The following GRHL1 variants were observed in gnomAD, a reference collection of about 807,000 sequenced individuals.
GRHL1 encodes the protein grainyhead like transcription factor 1.
Under a neutral mutation model 75.7 loss-of-function variants are expected in GRHL1, and 38 were observed. The ratio of observed to expected loss-of-function variants is 0.50; its 90% CI spans 0.39 to 0.66. The LOEUF (loss-of-function observed/expected upper bound fraction) is 0.66, where lower values mean the gene tolerates loss of function less well. Among genes scored for constraint, GRHL1 ranks in the 30% least tolerant of loss-of-function variants. GRHL1 has a pLI of 0.00. For synonymous variants in GRHL1, 266 were observed against 279.4 expected, an observed-to-expected ratio of 0.95 and a Z score of 0.48; for missense variants, 589 against 767.5, an observed-to-expected ratio of 0.77 and a Z score of 2.75.
chr2:9,961,846 G>A (rs1017774268), intron 4 of GRHL1, among the ~76,000 whole-genome samples: 3 of 152,136 alleles, frequency 2.0e-5, no homozygotes, highest in African/African-American at 7.2e-5. Context: ...GGTTGGTAAT[G>A]TAGTCAGGGA....
intron 12 of GRHL1, among the ~76,000 whole-genome samples, 171 bp downstream of exon 12, chr2:9,993,415 C>A (rs1297082421): frequency 6.6e-6 from 1 of 152,178 alleles, no homozygotes; most frequent in African/African-American, 2.4e-5. Flanking sequence ...TTCCTACCAA[C>A]AAGGACATCC....
chr2:9,962,790 T>C (rs2125210431), intron 5 of GRHL1, among the ~76,000 whole-genome samples: 1 of 152,218 alleles, frequency 6.6e-6, no homozygotes, highest in Middle Eastern at 3.4e-3. Flanking sequence ...GGTAGTAGAA[T>C]GGAATCTAAT....
rs1427358014 is a variant in GRHL1, at chr2:9,998,838, G to A, written c.1678-127G>A. The A allele has an allele frequency of 1.2e-4, 8 of 65,310 alleles. No individual in the cohort carries two copies. The East Asian group carries it at 1.3e-3, about 10-fold the overall frequency. 4.0% of individuals were successfully genotyped at this position (65,310 alleles called of 1,614,324 possible). Reference sequence around the variant, plus strand: ...TATATATGTACACATATATATATACGTATATATATGTACACATATATATAC... The same window carrying A: ...TATATATGTACACATATATATATACATATATATATGTACACATATATATAC... On this transcript the variant is annotated intron_variant, in intron 14 of 15. Transcript: ENST00000324907.
chr2:9,990,802 G>C lies in GRHL1; in HGVS notation c.1321+55G>C, dbSNP rs371195953. 1,282 of 1,431,150 alleles carry C rather than the reference G, an allele frequency of 9.0e-4. 4 individuals are homozygous for C. The highest frequency in any genetic ancestry group is 1.3e-3 in the South Asian group (113 of 83,968). The allele number at this position is 1,431,150 out of a possible 1,614,324, so 88.7% of individuals were successfully genotyped here. A position where few individuals can be genotyped will look rare whatever the true frequency, so the allele number is the denominator to read the frequency against. ...AATGCCTGTAAGTAGAAATGTTCCC[G>C]GCAAGCTTCAGACCTTTTCCATTGA... On this transcript the variant is annotated intron_variant, in intron 10 of 15. Coordinates refer to ENST00000324907, the MANE Select transcript of GRHL1 (RefSeq NM_198182.3). The surrounding 1 kb of genome is among the most constrained non-coding windows in gnomAD (Gnocchi z 4.2).
At chr2:9,981,059 C>A (rs1368388451) in intron 8 of GRHL1, among the ~76,000 whole-genome samples, 3 of 152,354 alleles carry the variant, frequency 2.0e-5, no homozygotes, top group African/African-American at 7.2e-5. Flanking sequence ...AACTGAGGAA[C>A]AAAGTGTGCC....
intron 5 of GRHL1, 122 bp downstream of exon 5, chr2:9,962,653 G>C (rs1319048313): frequency 1.5e-6 from 1 of 682,612 alleles, no homozygotes; most frequent in Admixed American, 2.2e-5. Context: ...TACTTTTACT[G>C]TGGTACAGTC....
intron 8 of GRHL1, among the ~76,000 whole-genome samples, chr2:9,970,739 C>T (rs933462011): frequency 2.6e-5 from 4 of 152,202 alleles, no homozygotes; most frequent in Admixed American, 2.6e-4. Context: ...CCTGTCAGAA[C>T]AGAGGACGCT....
chr2:9,986,707 C>T (rs1200739453), intron 9 of GRHL1, among the ~76,000 whole-genome samples: 1 of 152,042 alleles, frequency 6.6e-6, no homozygotes, highest in African/African-American at 2.4e-5. Context: ...TGTGAGCCAC[C>T]GCGCCCAGCC....
chr2:9,958,349 T>A (rs973772360), intron 2 of GRHL1, among the ~76,000 whole-genome samples: 10 of 152,068 alleles, frequency 6.6e-5, no homozygotes, highest in South Asian at 2.1e-4. Context: ...TGGCTAATTT[T>A]AAAATTTTTT....
rs1019709579 is a variant in GRHL1 at position 10,002,274 on chromosome 2, G to A, written c.*1567G>A. On this transcript the variant is annotated 3_prime_UTR_variant, in exon 16 of 16. Transcript: ENST00000324907. The stretch of plus-strand genomic sequence containing the variant: ...GAATTAAATTTTATATGTCTATTTC[G>A]TAATATGTCATTTCCTGTTTTTCAA... 2.0e-4 allele frequency: 30 copies of A among 152,498 alleles called. No individual in the cohort carries two copies. The highest frequency in any genetic ancestry group is 4.8e-4 in the African/African-American group (20 of 41,414). The allele number at this position is 152,498 out of a possible 1,614,324, so 9.4% of individuals were successfully genotyped here. A position where few individuals can be genotyped will look rare whatever the true frequency, so the allele number is the denominator to read the frequency against.
At chr2:9,989,003 G>A (rs970257907) in intron 9 of GRHL1, among the ~76,000 whole-genome samples, 2 of 152,114 alleles carry the variant, frequency 1.3e-5, no homozygotes, top group Non-Finnish European at 2.9e-5. Context: ...AGACTTGTTA[G>A]AAGGGACAGA....
At chr2:9,986,376 A>G (rs1269556425) in intron 9 of GRHL1, 94 bp downstream of exon 9, 5 of 663,780 alleles carry the variant, frequency 7.5e-6, no homozygotes, top group Non-Finnish European at 9.9e-6. Flanking sequence ...AAATGAGAAT[A>G]TAGCTGCTAA....
At chr2:9,953,090 T>C in intron 1 of GRHL1, 1 of 456,776 alleles carries the variant, frequency 2.2e-6, no homozygotes, top group Non-Finnish European at 4.4e-6. Context: ...ACGTATAGTT[T>C]AGATAAGGCA....
chr2:9,994,055 AG>A (rs1223475287), intron 12 of GRHL1, among the ~76,000 whole-genome samples: 1 of 145,586 alleles, frequency 6.9e-6, no homozygotes, highest in Non-Finnish European at 1.5e-5. Flanking sequence ...TGCCTAGTGG[AG>A]GGGGGCTGAC....
rs112958885 is a variant in GRHL1 at position 9,991,783 on chromosome 2, C to T, written c.1322-224C>T. 1.8e-3 allele frequency among the ~76,000 whole-genome samples: 267 copies of T among 152,298 alleles called. 2 individuals carry two copies. The highest frequency in any genetic ancestry group is 5.9e-3 in the African/African-American group (247 of 41,566). ...CTGTGTGTGTTTGAAGATACCTTTTCCCTTTTGATTTGATAAGACATTCAG... is the reference window on the plus strand; with the variant it reads ...CTGTGTGTGTTTGAAGATACCTTTTTCCTTTTGATTTGATAAGACATTCAG... On this transcript the variant is annotated intron_variant, in intron 10 of 15. Coordinates refer to ENST00000324907, the MANE Select transcript of GRHL1 (RefSeq NM_198182.3).
intron 15 of GRHL1, among the ~76,000 whole-genome samples, chr2:10,000,353 A>C (rs1342278612): frequency 2.6e-4 from 39 of 152,210 alleles, no homozygotes; most frequent in Non-Finnish European, 1.5e-5. Flanking sequence ...TTCATTTTCC[A>C]AATGCTATGA....
intron 8 of GRHL1, among the ~76,000 whole-genome samples, chr2:9,978,815 G>T (rs563527449): frequency 6.6e-6 from 1 of 151,886 alleles, no homozygotes. Flanking sequence ...ACATGGTGAC[G>T]CCCCGTCTCT....
chr2:9,995,526 C>T (rs1209097453), intron 12 of GRHL1, among the ~76,000 whole-genome samples: 3 of 150,322 alleles, frequency 2.0e-5, no homozygotes, highest in Admixed American at 6.7e-5. Flanking sequence ...TGCAGTGAGC[C>T]GTGATCCATG....
rs538063314 is a variant in GRHL1 at position 9,963,109 on chromosome 2, G to A, written c.746+578G>A. On this transcript the variant is annotated intron_variant, in intron 5 of 15. Transcript: ENST00000324907. ...TTTAAAAGTGTCTAAGATTTTATGG[G>A]AATTGAGACTTCCCTTATAGATCTG... is the stretch of plus-strand genomic sequence containing the variant. 5.9e-5 allele frequency among the ~76,000 whole-genome samples: 9 copies of A among 152,236 alleles called. No individual in the cohort carries two copies. The South Asian group carries it at 1.9e-3, about 32-fold the overall frequency.
Sources: gnomAD v4.1 joint callset for allele counts (sites outside exome capture counted in the v4.1 genomes callset) on GRCh38, gnomAD v4.1.1 for gene constraint, Gnocchi (gnomAD v3.1) non-coding constraint, MANE v1.5 for transcripts, NCBI Gene and HGNC (gene_info 2026-07-23, HGNC 2026-07-21) for gene names.